COL24A1: variants seen among roughly 807,000 people sequenced by gnomAD.
The protein encoded by COL24A1 is collagen type XXIV alpha 1 chain, also known as collagen alpha-1(XXIV) chain.
A neutral mutation model predicts 253.9 loss-of-function variants in COL24A1; 224 were observed. The observed-to-expected ratio is 0.88, with a 90% CI of 0.79 to 0.99. The LOEUF is 0.99. Ranked by LOEUF, COL24A1 falls within the 50% of genes least tolerant of loss-of-function variation. COL24A1 has a pLI of 0.00. For synonymous variants in COL24A1, 685 were observed against 673.7 expected, an observed-to-expected ratio of 1.02 and a Z score of -0.26; for missense variants, 2,131 against 2,068.5, an observed-to-expected ratio of 1.03 and a Z score of -0.59.
chr1:85,955,470 G>C (rs1411557810), intron 24 of COL24A1, among the ~76,000 whole-genome samples: 3 of 152,244 alleles, frequency 2.0e-5, no homozygotes, highest in Non-Finnish European at 2.9e-5. Context: ...AGACGGCAAA[G>C]CTGAAAGAGC....
At position 85,997,737 on chromosome 1, in the gene COL24A1, C is replaced by T. The variant is rs555196031; in HGVS notation, c.2311-10083G>A. ...CGGAGGTTGCAGTGAGCCAAGATCG[C>T]GCCACTGCACTCCAGCCTGGCTACA... On this transcript the variant is annotated intron_variant, in intron 19 of 59. Coordinates refer to ENST00000370571, the MANE Select transcript of COL24A1 (RefSeq NM_152890.7). Among the ~76,000 whole-genome samples the T allele has an allele frequency of 3.7e-3, 549 of 148,800 alleles. 1 individual carries two copies. The highest frequency in any genetic ancestry group is 0.013 in the African/African-American group (525 of 40,322).
chr1:86,126,214 C>T lies in COL24A1; in HGVS notation c.122G>A (p.Gly41Asp), dbSNP rs770567770. 3 of 1,565,074 alleles carry T rather than the reference C, an allele frequency of 1.9e-6. No individual in the cohort carries two copies. The highest frequency in any genetic ancestry group is 2.6e-6 in the Non-Finnish European group (3 of 1,164,652). The change falls in exon 3 of 60, where the codon GGC becomes GAC. Residue 41 changes from glycine to aspartate, a missense_variant and splice_region_variant. By Grantham distance (94) the Gly-to-Asp change is moderately conservative (BLOSUM62 -1). Coordinates refer to ENST00000370571, the MANE Select transcript of COL24A1 (RefSeq NM_152890.7). ...AGVVVHAQEQ[G>D]IDILHQLGLG... ...GCCTAGTTGATGAAGAATATCTATGCCTGGAAATTTAAAAAAGAGAGAGAG... is the reference window on the plus strand; with the variant it reads ...GCCTAGTTGATGAAGAATATCTATGTCTGGAAATTTAAAAAAGAGAGAGAG...
At chr1:85,925,595 G>A (rs1268431442) in intron 24 of COL24A1, among the ~76,000 whole-genome samples, 1 of 152,050 alleles carries the variant, frequency 6.6e-6, no homozygotes, top group Non-Finnish European at 1.5e-5. Flanking sequence ...TTTAATAAAT[G>A]GTGCTGGGAA....
intron 53 of COL24A1, among the ~76,000 whole-genome samples, chr1:85,767,397 A>G (rs1667492421): frequency 6.6e-6 from 1 of 152,194 alleles, no homozygotes; most frequent in Admixed American, 6.5e-5. Flanking sequence ...AAAAATTCCC[A>G]ATGAAAAGTG....
rs139732887 is a variant in COL24A1, at chr1:85,822,968, T to C, written c.3789+568A>G. Among the ~76,000 whole-genome samples, 42 of 152,222 alleles carry C rather than the reference T, an allele frequency of 2.8e-4. No individual in the cohort carries two copies. The East Asian group carries it at 7.5e-3, about 27-fold the overall frequency. Reference sequence around the variant, plus strand: ...GCCCCTGGTGTTTCCTCTTAAGTAATTTTCCATTCACTCATACTCAATCTG... The same window carrying C: ...GCCCCTGGTGTTTCCTCTTAAGTAACTTTCCATTCACTCATACTCAATCTG... On this transcript the variant is annotated intron_variant, in intron 45 of 59. Coordinates refer to ENST00000370571, the MANE Select transcript of COL24A1 (RefSeq NM_152890.7).
intron 2 of COL24A1, among the ~76,000 whole-genome samples, chr1:86,144,301 A>T (rs189834642): frequency 6.6e-6 from 1 of 152,244 alleles, no homozygotes; most frequent in East Asian, 1.9e-4. Context: ...TTTTTAAAAA[A>T]TAAGTTCATA....
At chr1:85,918,508 T>C (rs573560891) in intron 24 of COL24A1, among the ~76,000 whole-genome samples, 1 of 152,338 alleles carries the variant, frequency 6.6e-6, no homozygotes, top group Non-Finnish European at 1.5e-5. Context: ...TTTTTATGGT[T>C]GTCTCTACTA....
chr1:86,092,252 T>C lies in COL24A1; in HGVS notation c.1653+15A>G. ...AATATATTACCATAATTTCATTTCA[T>C]GGTCAAATAATTACCTTTTCTCCAG... On this transcript the variant is annotated intron_variant, in intron 6 of 59. Coordinates refer to ENST00000370571, the MANE Select transcript of COL24A1 (RefSeq NM_152890.7). The C allele has an allele frequency of 6.4e-7, 1 of 1,570,596 alleles. No homozygotes were observed.
intron 24 of COL24A1, among the ~76,000 whole-genome samples, chr1:85,952,844 G>A (rs1257333665): frequency 6.6e-6 from 1 of 152,110 alleles, no homozygotes; most frequent in Non-Finnish European, 1.5e-5. Flanking sequence ...TATAATGTTT[G>A]TAACTTTTAA....
At chr1:86,022,753 T>C in intron 16 of COL24A1, 80 bp downstream of exon 16, 3 of 1,266,830 alleles carry the variant, frequency 2.4e-6, no homozygotes, top group South Asian at 2.0e-5. Context: ...AAAAACAAAA[T>C]ATTTCATAAA....
chr1:86,000,313 C>T (rs149110759), intron 19 of COL24A1, among the ~76,000 whole-genome samples: 23 of 152,286 alleles, frequency 1.5e-4, no homozygotes, highest in African/African-American at 5.5e-4. Context: ...TTCGTTCTTC[C>T]CAACTAGACT....
intron 10 of COL24A1, among the ~76,000 whole-genome samples, chr1:86,053,044 T>C (rs1159387387): frequency 2.0e-5 from 3 of 152,092 alleles, no homozygotes; most frequent in Non-Finnish European, 4.4e-5. Flanking sequence ...CATCTATGAT[T>C]TTCTTACTTG....
At chr1:85,790,364 T>A (rs313716) in intron 47 of COL24A1, among the ~76,000 whole-genome samples, 2 of 151,922 alleles carry the variant, frequency 1.3e-5, no homozygotes, top group African/African-American at 2.4e-5. Flanking sequence ...TATTCTCTGA[T>A]GGTTGTTTGT....
At chr1:86,139,267 T>C (rs146417039) in intron 2 of COL24A1, among the ~76,000 whole-genome samples, 1 of 151,744 alleles carries the variant, frequency 6.6e-6, no homozygotes, top group Non-Finnish European at 1.5e-5. Context: ...TAAGTCTTAG[T>C]AGAGGATAAA....
Position 86,156,512 on chromosome 1 carries a change from T to A in COL24A1, c.-116A>T. On this transcript the variant is annotated 5_prime_UTR_variant, in exon 1 of 60. An upstream start codon of the reference 5' UTR is lost. Transcript: ENST00000370571. ...GGAAAAAACAATCACATGAAAACCA[T>A]GCTTCAAACCCGCAACAAGAAAAAA... 1.1e-6 allele frequency: 1 copy of A among 926,008 alleles called. No individual in the cohort carries two copies. Among genetic ancestry groups the A allele is most frequent in the Non-Finnish European group, 1.5e-6 (1 of 648,688 alleles). 57.4% of individuals were successfully genotyped at this position (926,008 alleles called of 1,614,324 possible).
chr1:86,060,637 C>G (rs562711988), intron 8 of COL24A1, among the ~76,000 whole-genome samples: 1 of 152,070 alleles, frequency 6.6e-6, no homozygotes, highest in South Asian at 2.1e-4. Flanking sequence ...TTCCCTTGAT[C>G]AAAATTAACA....
At chr1:86,143,583 G>A (rs1651457960) in intron 2 of COL24A1, among the ~76,000 whole-genome samples, 2 of 151,898 alleles carry the variant, frequency 1.3e-5, no homozygotes, top group Non-Finnish European at 2.9e-5. Context: ...AGGAGACACA[G>A]AGAATAGTAA....
At chr1:85,786,077 A>G (rs967555219) in intron 48 of COL24A1, among the ~76,000 whole-genome samples, 5 of 152,222 alleles carry the variant, frequency 3.3e-5, no homozygotes, top group Admixed American at 3.3e-4. Context: ...GATGACAGAG[A>G]AGGAAAAAGA....
At chr1:85,868,216 T>A (rs769116875) in intron 37 of COL24A1, among the ~76,000 whole-genome samples, 3 of 152,190 alleles carry the variant, frequency 2.0e-5, no homozygotes, top group Admixed American at 6.5e-5. Flanking sequence ...AACAATAATG[T>A]CAGTTATAGG....
Sources: allele counts gnomAD v4.1 joint callset (sites outside exome capture counted in the v4.1 genomes callset), GRCh38; gene constraint gnomAD v4.1.1; transcripts MANE v1.5; gene names NCBI Gene and HGNC (gene_info 2026-07-23, HGNC 2026-07-21).